Variants in THG1L observed in about 807,000 individuals in gnomAD.
THG1L encodes the protein probable tRNA(His) guanylyltransferase.
A neutral mutation model predicts 35.2 loss-of-function variants in THG1L; 27 were observed. That is an observed-to-expected ratio of 0.77 (90% CI 0.57 to 1.06). THG1L has a LOEUF of 1.06. Among genes scored for constraint, THG1L ranks in the 50% least tolerant of loss-of-function variants. The pLI is 0.00. For synonymous variants in THG1L, 135 were observed against 132.4 expected (o/e 1.02, Z -0.14); for missense variants, 377 against 371.8 (o/e 1.01, Z -0.12).
chr5:157,732,999 G>A lies in THG1L; in HGVS notation c.323G>A (p.Ser108Asn), dbSNP rs1172967087. The A allele has an allele frequency of 6.8e-6, 11 of 1,614,096 alleles. No homozygotes were observed. The highest frequency in any genetic ancestry group is 1.3e-5 in the African/African-American group (1 of 74,938). ...VIAYGQSDEY[S>N]FVFKRKTNWF... is the part of the protein sequence containing the mutation. ...GCGTATGGACAGAGTGATGAGTACA[G>A]CTTTGTGTTCAAGCGGAAAACCAAT... Residue 108 changes from serine (S) to asparagine (N), a missense_variant, in exon 2 of 6, where the codon AGC becomes AAC. Ser to Asn is a conservative substitution (Grantham distance 46). Transcript: ENST00000231198.
chr5:157,735,275 A>G (rs35483114), intron 3 of THG1L, among the ~76,000 whole-genome samples: 21,472 of 152,184 alleles, frequency 0.14, 1,860 homozygotes, highest in South Asian at 0.21. Context: ...AGATGTGGCA[A>G]TACTGGATCT....
rs367929204 is a variant in THG1L at position 157,731,492 on chromosome 5, A to G, written c.52A>G (p.Ile18Val). 1.3e-5 allele frequency: 21 copies of G among 1,610,428 alleles called. No individual in the cohort carries two copies. In the African/African-American group the frequency reaches 2.0e-4, roughly 15 times the overall value. Residue 18 changes from isoleucine to valine, a missense_variant, in exon 1 of 6, where the codon ATC (isoleucine) becomes GTC (valine). Transcript: ENST00000231198. ...TCACGATTCCTTGGCCACCATTTCC[A>G]TCACTCTGAGACGGTACCTGAGATT... ...KVHDSLATISITLRRYLRLGA... is the reference protein window; with the variant it reads ...KVHDSLATISVTLRRYLRLGA...
chr5:157,735,969 G>C, intron 4 of THG1L, 35 bp downstream of exon 4: 1 of 1,421,328 alleles, frequency 7.0e-7, no homozygotes, highest in Non-Finnish European at 9.7e-7. Flanking sequence ...ACTTAACTGG[G>C]GACAGTTCGC....
At position 157,739,717 on chromosome 5, in the gene THG1L, C is replaced by CT. The variant is rs1157202263; in HGVS notation, c.*244dup. 2.7e-4 allele frequency: 100 copies of CT among 372,988 alleles called. No individual in the cohort carries two copies. The highest frequency in any genetic ancestry group is 3.7e-4 in the South Asian group (3 of 8,098). The allele number at this position is 372,988 out of a possible 1,614,324, so 23.1% of individuals were successfully genotyped here. On this transcript the variant is annotated 3_prime_UTR_variant, in exon 6 of 6. Transcript: ENST00000231198. ...GAACATGGTTCCTTTGGCAGAAGTG[C>CT]TTTTTTTTTAATCGCAGTACTATTT...
Position 157,739,496 on chromosome 5 carries a change from C to T in THG1L, c.*14C>T, listed in dbSNP as rs768012868. ...GAAGACAGCTGACCCTTTTGCGCTT[C>T]AGTTCTGGTGTGCTTAACCATGCAA... On this transcript the variant is annotated 3_prime_UTR_variant, in exon 6 of 6. Coordinates refer to ENST00000231198, the MANE Select transcript of THG1L (RefSeq NM_017872.5). The T allele has an allele frequency of 6.2e-7, 1 of 1,609,448 alleles. No individual in the cohort carries two copies. Among genetic ancestry groups the T allele is most frequent in the Admixed American group, 1.7e-5 (1 of 59,324 alleles).
rs919675043 is a variant in THG1L at position 157,734,395 on chromosome 5, GA to G, written c.369-172del. On this transcript the variant is annotated intron_variant, in intron 2 of 5. Coordinates refer to ENST00000231198, the MANE Select transcript of THG1L (RefSeq NM_017872.5). The stretch of plus-strand genomic sequence containing the variant: ...AGAGCAAGACTCTGTCCTAAAAAAA[GA>G]AAAAAAAATACAGAACCAAGGTATT... Among the ~76,000 whole-genome samples, 9 of 150,190 alleles carry G rather than the reference GA, an allele frequency of 6.0e-5. No individual in the cohort carries two copies. The East Asian group carries it at 9.7e-4, about 16-fold the overall frequency.
At chr5:157,735,747 A>G (rs1270174502) in intron 3 of THG1L, 99 bp from the exon 4 acceptor site, 22 of 774,248 alleles carry the variant, frequency 2.8e-5, no homozygotes, top group East Asian at 2.4e-4. Context: ...TCTCTTTACT[A>G]TGAAAGAGGA....
chr5:157,733,898 G>C (rs979619279), intron 2 of THG1L, among the ~76,000 whole-genome samples: 9 of 152,116 alleles, frequency 5.9e-5, no homozygotes, highest in South Asian at 2.1e-4. Context: ...ATTGAGCCAA[G>C]GAATTTGAGG....
intron 2 of THG1L, among the ~76,000 whole-genome samples, chr5:157,733,521 G>T (rs1171061983): frequency 1.3e-5 from 2 of 151,952 alleles, no homozygotes. Context: ...AATAGAGGTG[G>T]GGTCTCTCTG....
intron 2 of THG1L, 21 bp from the exon 3 acceptor site, chr5:157,734,555 A>G (rs1485577804): frequency 1.9e-6 from 3 of 1,612,924 alleles, no homozygotes; most frequent in South Asian, 1.1e-5. Context: ...TACTCCACCC[A>G]ATGTGCGTTA....
chr5:157,734,541 T>C, intron 2 of THG1L, 35 bp from the exon 3 acceptor site: 1 of 1,610,342 alleles, frequency 6.2e-7, no homozygotes, highest in African/African-American at 1.3e-5. Context: ...ATTTTTCTTT[T>C]TCTTACTCCA....
rs1343679871 is a variant in THG1L at position 157,740,621 on chromosome 5, G to A, written c.*1139G>A. ...ATTTGGCCCCATTAAGAATTAAGAG[G>A]CTGGGTGCGGTGGCTCACGTCTGTA... On this transcript the variant is annotated 3_prime_UTR_variant, in exon 6 of 6. Coordinates refer to ENST00000231198, the MANE Select transcript of THG1L (RefSeq NM_017872.5). The A allele has an allele frequency of 6.6e-6, 1 of 152,270 alleles. No homozygotes were observed. The highest frequency in any genetic ancestry group is 6.5e-5 in the Admixed American group (1 of 15,292). The allele number at this position is 152,270 out of a possible 1,614,324, so 9.4% of individuals were successfully genotyped here. A position where few individuals can be genotyped will look rare whatever the true frequency, so the allele number is the denominator to read the frequency against.
At chr5:157,732,579 TTTATC>T (rs1760757348) in intron 1 of THG1L, among the ~76,000 whole-genome samples, 1 of 152,204 alleles carries the variant, frequency 6.6e-6, no homozygotes, top group Non-Finnish European at 1.5e-5. Context: ...TATGATTACT[TTTATC>T]TTCTCCCTAA....
In THG1L at chr5:157,732,858, C is replaced by G; in HGVS notation, c.192-10C>G. ...CCATCCATGCTTTCTTCCCTTTTTC[C>G]CCTGTGAAGGTTTGCTGAGAAGCAC... On this transcript the variant is annotated splice_polypyrimidine_tract_variant and intron_variant, in intron 1 of 5. Transcript: ENST00000231198. 3 of 1,613,574 alleles carry G rather than the reference C, an allele frequency of 1.9e-6. No homozygotes were observed. The highest frequency in any genetic ancestry group is 2.5e-6 in the Non-Finnish European group (3 of 1,179,742).
chr5:157,735,888 T>C lies in THG1L; in HGVS notation c.581T>C (p.Ile194Thr), dbSNP rs372975288. 6.7e-5 allele frequency: 108 copies of C among 1,607,240 alleles called. No individual in the cohort carries two copies. Among genetic ancestry groups the C allele is most frequent in the Middle Eastern group, 3.3e-4 (2 of 6,068 alleles). ...NLYNTVFWAL[I>T]QQSGLTPVQA... Reference sequence around the variant, plus strand: ...TATAATACAGTTTTCTGGGCACTTATACAACAATCTGGACTAACACCAGTA... The same window carrying C: ...TATAATACAGTTTTCTGGGCACTTACACAACAATCTGGACTAACACCAGTA... Residue 194 changes from isoleucine (I) to threonine (T), a missense_variant, in exon 4 of 6, where the codon ATA becomes ACA. Ile to Thr is a moderately conservative substitution (Grantham distance 89). Coordinates refer to ENST00000231198, the MANE Select transcript of THG1L (RefSeq NM_017872.5).
At chr5:157,739,244 G>C in intron 5 of THG1L, 77 bp from the exon 6 acceptor site, 1 of 1,443,106 alleles carries the variant, frequency 6.9e-7, no homozygotes, top group Non-Finnish European at 9.4e-7. Context: ...TAAAAAGTGA[G>C]CTATCCCCAC....
At position 157,739,653 on chromosome 5, in the gene THG1L, C is replaced by A; in HGVS notation, c.*171C>A. 1 of 672,742 alleles carries A rather than the reference C, an allele frequency of 1.5e-6. No individual in the cohort carries two copies. The highest frequency in any genetic ancestry group is 2.3e-6 in the Non-Finnish European group (1 of 432,312). The allele number at this position is 672,742 out of a possible 1,614,324, so 41.7% of individuals were successfully genotyped here. ...GAAGGGATGGATGGGGGTGGTGTAT[C>A]TTACTCTGTTTAAGCAGAACACCTT... On this transcript the variant is annotated 3_prime_UTR_variant, in exon 6 of 6. Coordinates refer to ENST00000231198, the MANE Select transcript of THG1L (RefSeq NM_017872.5).
At chr5:157,735,234 A>G (rs1048686680) in intron 3 of THG1L, among the ~76,000 whole-genome samples, 5 of 152,140 alleles carry the variant, frequency 3.3e-5, no homozygotes, top group African/African-American at 9.7e-5. Flanking sequence ...CACCACGCCC[A>G]GCCGCCTTAT....
rs1760764584 is a variant in THG1L at position 157,732,856 on chromosome 5, T to C, written c.192-12T>C. ...TTCCATCCATGCTTTCTTCCCTTTTTCCCCTGTGAAGGTTTGCTGAGAAGC... is the reference window on the plus strand; with the variant it reads ...TTCCATCCATGCTTTCTTCCCTTTTCCCCCTGTGAAGGTTTGCTGAGAAGC... On this transcript the variant is annotated splice_polypyrimidine_tract_variant and intron_variant, in intron 1 of 5. Coordinates refer to ENST00000231198, the MANE Select transcript of THG1L (RefSeq NM_017872.5). The C allele has an allele frequency of 6.2e-7, 1 of 1,613,780 alleles. No individual in the cohort carries two copies. Among genetic ancestry groups the C allele is most frequent in the South Asian group, 1.1e-5 (1 of 91,068 alleles).
Sources: gnomAD v4.1 joint callset for allele counts (sites outside exome capture counted in the v4.1 genomes callset) on GRCh38, gnomAD v4.1.1 for gene constraint, MANE v1.5 for transcripts, NCBI Gene and HGNC (gene_info 2026-07-23, HGNC 2026-07-21) for gene names.